ZBBX: variants seen among roughly 807,000 people sequenced by gnomAD.
ZBBX encodes the protein zinc finger B-box domain-containing protein 1.
Under a neutral mutation model 108.5 loss-of-function variants are expected in ZBBX, and 101 were observed. The ratio of observed to expected loss-of-function variants is 0.93; its 90% CI spans 0.79 to 1.10. The LOEUF (loss-of-function observed/expected upper bound fraction) is 1.10, where lower values mean the gene tolerates loss of function less well. Among genes scored for constraint, ZBBX ranks in the 50% least tolerant of loss-of-function variants. The pLI is 0.00. For missense variants in ZBBX, 1,009 were observed against 941.4 expected (o/e 1.07, Z -0.94); for synonymous variants, 356 against 323.4 (o/e 1.10, Z -1.08).
chr3:167,315,799 T>G lies in ZBBX; in HGVS notation c.1225A>C (p.Asn409His), dbSNP rs1735350803. Reference protein sequence around the residue: ...TYEEEFEEAENIVPYKVKLAD... With the variant: ...TYEEEFEEAEHIVPYKVKLAD... The stretch of plus-strand genomic sequence containing the variant: ...AATTTAACTTTGTAAGGCACAATAT[T>G]TTCTGCTTCTTCAAATTCCTCTTCA... The change falls in exon 15 of 22, where the codon AAT becomes CAT. Residue 409 changes from asparagine (N) to histidine (H), a missense_variant. Physicochemically the swap from Asn to His is moderately conservative, Grantham distance 68. Coordinates refer to ENST00000675490, the MANE Select transcript of ZBBX (RefSeq NM_001199201.2). 2 of 1,606,898 alleles carry G rather than the reference T, an allele frequency of 1.2e-6. No homozygotes were observed. The highest frequency in any genetic ancestry group is 2.7e-5 in the African/African-American group (2 of 74,934).
At chr3:167,182,029 C>T in the ZBBX span, among the ~76,000 whole-genome samples, 1 of 152,198 alleles carries the variant, frequency 6.6e-6, no homozygotes, top group Non-Finnish European at 1.5e-5. Flanking sequence ...TAGAGTGACA[C>T]TGATTAGCCC....
the ZBBX span, among the ~76,000 whole-genome samples, chr3:167,197,728 TTTTA>T: frequency 6.6e-6 from 1 of 152,298 alleles, no homozygotes; most frequent in African/African-American, 2.4e-5. Context: ...AAGTTGATTA[TTTTA>T]TTTAAAAAAT....
intron 3 of ZBBX, among the ~76,000 whole-genome samples, chr3:167,373,220 C>T (rs1746431767): frequency 6.6e-6 from 1 of 152,042 alleles, no homozygotes; most frequent in Non-Finnish European, 1.5e-5. Flanking sequence ...TATAAGTAAG[C>T]AAGAGCTGAT....
intron 8 of ZBBX, among the ~76,000 whole-genome samples, chr3:167,359,068 T>C (rs555430559): frequency 8.6e-5 from 13 of 152,012 alleles, no homozygotes; most frequent in African/African-American, 2.9e-4. Context: ...CAAATGTCAT[T>C]CAATGTATGA....
chr3:167,404,839 G>A (rs1748534714), intron 1 of ZBBX, among the ~76,000 whole-genome samples: 1 of 152,160 alleles, frequency 6.6e-6, no homozygotes, highest in South Asian at 2.1e-4. Flanking sequence ...GAGAGACAGA[G>A]AAAAGGTTTA....
chr3:167,356,087 G>A lies in ZBBX; in HGVS notation c.432+3783C>T, dbSNP rs552582391. The stretch of plus-strand genomic sequence containing the variant: ...CTCAAGTGCTTACCACAGAGTAGGA[G>A]TCACAAAAAATATTGACTCATAGCT... On this transcript the variant is annotated intron_variant, in intron 8 of 21. Transcript: ENST00000675490. Among the ~76,000 whole-genome samples the A allele has an allele frequency of 2.0e-4, 30 of 152,180 alleles. No individual in the cohort carries two copies. In the South Asian group the frequency reaches 5.8e-3, roughly 29 times the overall value.
At chr3:167,243,371 A>C (rs1347255250) in intron 20 of ZBBX, among the ~76,000 whole-genome samples, 2 of 152,148 alleles carry the variant, frequency 1.3e-5, no homozygotes, top group Non-Finnish European at 2.9e-5. Flanking sequence ...GATGACTGTT[A>C]AAACTGTCAA....
At chr3:167,314,482 A>G (rs1735106312) in intron 15 of ZBBX, among the ~76,000 whole-genome samples, 1 of 152,188 alleles carries the variant, frequency 6.6e-6, no homozygotes, top group Non-Finnish European at 1.5e-5. Flanking sequence ...CTAGATAAAC[A>G]TATTATTTGT....
intron 18 of ZBBX, among the ~76,000 whole-genome samples, chr3:167,297,354 T>C (rs957541841): frequency 2.0e-5 from 3 of 152,002 alleles, no homozygotes; most frequent in Admixed American, 6.6e-5. Flanking sequence ...AAATAATGAA[T>C]CTGGACCTTT....
At chr3:167,275,201 T>C (rs983088495) in intron 20 of ZBBX, among the ~76,000 whole-genome samples, 2 of 152,370 alleles carry the variant, frequency 1.3e-5, no homozygotes, top group East Asian at 3.9e-4. Context: ...CTGTTCATTC[T>C]ACTAAATATA....
the ZBBX span, among the ~76,000 whole-genome samples, chr3:167,226,463 T>C: frequency 1.3e-5 from 2 of 151,688 alleles, no homozygotes; most frequent in South Asian, 2.1e-4. Flanking sequence ...CAGAGACCCA[T>C]ATAACCCAAG....
chr3:167,188,336 C>T, the ZBBX span, among the ~76,000 whole-genome samples: 1 of 152,052 alleles, frequency 6.6e-6, no homozygotes, highest in Non-Finnish European at 1.5e-5. Context: ...TTTAAAGAAT[C>T]TCACCAATCA....
the ZBBX span, among the ~76,000 whole-genome samples, chr3:167,208,145 T>C: frequency 8.0e-3 from 1,214 of 152,254 alleles, 13 homozygotes; most frequent in African/African-American, 0.028. Context: ...GAGTCACCCA[T>C]CCCAGTGGTT....
intron 8 of ZBBX, among the ~76,000 whole-genome samples, chr3:167,359,146 C>T (rs1744104418): frequency 6.6e-6 from 1 of 151,920 alleles, no homozygotes; most frequent in Non-Finnish European, 1.5e-5. Context: ...GAACACATTA[C>T]CAATAAATTT....
intron 9 of ZBBX, among the ~76,000 whole-genome samples, chr3:167,348,258 G>C (rs1390344590): frequency 1.0e-5 from 1 of 95,970 alleles, no homozygotes; most frequent in Non-Finnish European, 2.2e-5. Flanking sequence ...AGGGAGGGTG[G>C]AAGGGAAGGA....
intron 20 of ZBBX, among the ~76,000 whole-genome samples, chr3:167,249,928 T>A (rs919640275): frequency 1.3e-5 from 2 of 152,168 alleles, no homozygotes; most frequent in African/African-American, 4.8e-5. Context: ...CAGGTGTGCA[T>A]AATGGAGGGC....
At chr3:167,210,088 T>TTAAAATAAAA in the ZBBX span, among the ~76,000 whole-genome samples, 3 of 151,898 alleles carry the variant, frequency 2.0e-5, no homozygotes, top group South Asian at 2.1e-4. Context: ...AGACTTGGTC[T>TTAAAATAAAA]TAAAATAAAA....
intron 20 of ZBBX, among the ~76,000 whole-genome samples, chr3:167,251,058 A>G (rs1436304148): frequency 6.6e-6 from 1 of 152,194 alleles, no homozygotes; most frequent in Non-Finnish European, 1.5e-5. Flanking sequence ...AAACCAGCAC[A>G]CCAGCAGACC....
chr3:167,199,521 T>G, the ZBBX span, among the ~76,000 whole-genome samples: 1 of 152,168 alleles, frequency 6.6e-6, no homozygotes, highest in Non-Finnish European at 1.5e-5. Context: ...AAGTTTATTA[T>G]TCCATCATGA....
Sources: gnomAD v4.1 joint callset for allele counts (sites outside exome capture counted in the v4.1 genomes callset) on GRCh38, gnomAD v4.1.1 for gene constraint, MANE v1.5 for transcripts, NCBI Gene and HGNC (gene_info 2026-07-23, HGNC 2026-07-21) for gene names.